RBM20: variants seen among roughly 807,000 people sequenced by gnomAD.
The protein encoded by RBM20 is RNA-binding protein 20.
In RBM20, 51 loss-of-function variants were observed where a neutral mutation model predicts 110.1. The ratio of observed to expected loss-of-function variants is 0.46; its 90% CI spans 0.37 to 0.59. The LOEUF is 0.59. Among genes scored for constraint, RBM20 ranks in the 20% least tolerant of loss-of-function variants. RBM20 has a pLI of 0.00. For missense variants in RBM20, 1,512 were observed against 1,574.9 expected, an observed-to-expected ratio of 0.96 and a Z score of 0.68; for synonymous variants, 589 against 618.2, an observed-to-expected ratio of 0.95 and a Z score of 0.70.
At chr10:110,697,427 G>C (rs1862682339) in intron 1 of RBM20, among the ~76,000 whole-genome samples, 1 of 152,184 alleles carries the variant, frequency 6.6e-6, no homozygotes, top group East Asian at 1.9e-4. Context: ...CATGACTGAG[G>C]GTGCTTAGTA....
intron 1 of RBM20, among the ~76,000 whole-genome samples, chr10:110,736,132 T>A (rs1295826306): frequency 6.6e-6 from 1 of 152,210 alleles, no homozygotes; most frequent in Non-Finnish European, 1.5e-5. Flanking sequence ...AAATAACATG[T>A]ATTTAGGATT....
At chr10:110,788,417 G>A (rs1359010292) in intron 5 of RBM20, among the ~76,000 whole-genome samples, 1 of 152,232 alleles carries the variant, frequency 6.6e-6, no homozygotes, top group African/African-American at 2.4e-5. Context: ...AGTGGAAGGG[G>A]AGAGTCAGCA....
intron 1 of RBM20, among the ~76,000 whole-genome samples, chr10:110,753,667 C>T (rs565281528): frequency 6.6e-6 from 1 of 152,342 alleles, no homozygotes; most frequent in East Asian, 1.9e-4. Flanking sequence ...AACCTGGTGA[C>T]TCAAAACGAC....
chr10:110,828,820 T>A (rs1316038611), intron 12 of RBM20, among the ~76,000 whole-genome samples: 1 of 151,530 alleles, frequency 6.6e-6, no homozygotes, highest in Non-Finnish European at 1.5e-5. Context: ...TTTTTGTTTG[T>A]TTGCTTTTTG....
At chr10:110,721,107 A>G (rs141204693) in intron 1 of RBM20, among the ~76,000 whole-genome samples, 216 of 152,256 alleles carry the variant, frequency 1.4e-3, no homozygotes, top group African/African-American at 4.6e-3. Context: ...CCCTGGCCCT[A>G]TCTCAAGCAC....
At chr10:110,660,400 C>T (rs1862085260) in intron 1 of RBM20, among the ~76,000 whole-genome samples, 1 of 152,192 alleles carries the variant, frequency 6.6e-6, no homozygotes, top group Non-Finnish European at 1.5e-5. Context: ...TTGTTGTCTT[C>T]TAGCATAAGG....
chr10:110,795,932 G>A (rs12245059), intron 5 of RBM20, among the ~76,000 whole-genome samples: 3,729 of 152,238 alleles, frequency 0.024, 160 homozygotes, highest in African/African-American at 0.083. Context: ...CCAGGGTGCC[G>A]GACCCCAAGG....
chr10:110,810,292 C>T (rs1453276814), intron 7 of RBM20, 91 bp from the exon 8 acceptor site: 6 of 899,402 alleles, frequency 6.7e-6, no homozygotes. Context: ...TTTTGGTGGA[C>T]CAGGCAATGA....
At position 110,644,667 on chromosome 10, in the gene RBM20, G is replaced by A; in HGVS notation, c.191+22G>A. 6.9e-7 allele frequency: 1 copy of A among 1,451,046 alleles called. No individual in the cohort carries two copies. The highest frequency in any genetic ancestry group is 9.1e-7 in the Non-Finnish European group (1 of 1,101,788). 89.9% of individuals were successfully genotyped at this position (1,451,046 alleles called of 1,614,324 possible). A position where few individuals can be genotyped will look rare whatever the true frequency, so the allele number is the denominator to read the frequency against. ...AAAAGTAAGAAGGGAGAAGGGAACA[G>A]GGACCACGGGTGCGCCTGGGGACAC... On this transcript the variant is annotated intron_variant, in intron 1 of 13. Transcript: ENST00000369519. The surrounding 1 kb of genome is among the most constrained non-coding windows in gnomAD (Gnocchi z 4.3).
intron 1 of RBM20, among the ~76,000 whole-genome samples, chr10:110,684,195 G>A (rs933215499): frequency 2.0e-5 from 3 of 152,132 alleles, no homozygotes; most frequent in Non-Finnish European, 2.9e-5. Flanking sequence ...AGGAGTTCGA[G>A]ACCAGCCTGG....
rs1435301344 is a variant in RBM20 at position 110,837,407 on chromosome 10, T to A, written c.*1429T>A. The stretch of plus-strand genomic sequence containing the variant: ...GGCAGTTAAGAAGGGAGCCTGGAGC[T>A]GTTTTCATGAGCAGAGATACTCTCC... On this transcript the variant is annotated 3_prime_UTR_variant, in exon 14 of 14. Coordinates refer to ENST00000369519, the MANE Select transcript of RBM20 (RefSeq NM_001134363.3). 2.0e-5 allele frequency: 3 copies of A among 152,196 alleles called. No individual in the cohort carries two copies. The highest frequency in any genetic ancestry group is 7.2e-5 in the African/African-American group (3 of 41,422). 9.4% of individuals were successfully genotyped at this position (152,196 alleles called of 1,614,324 possible). A position where few individuals can be genotyped will look rare whatever the true frequency, so the allele number is the denominator to read the frequency against.
At chr10:110,788,884 T>C (rs1311220942) in intron 5 of RBM20, among the ~76,000 whole-genome samples, 2 of 152,182 alleles carry the variant, frequency 1.3e-5, no homozygotes, top group African/African-American at 4.8e-5. Context: ...CAGTGAGTTG[T>C]TTTTGCATAT....
intron 1 of RBM20, among the ~76,000 whole-genome samples, chr10:110,718,786 A>AT (rs1210818439): frequency 2.7e-5 from 4 of 149,986 alleles, no homozygotes; most frequent in African/African-American, 4.9e-5. Flanking sequence ...TAATTTTTGA[A>AT]TTTTTTTTTA....
At chr10:110,767,588 C>A (rs1272151172) in intron 1 of RBM20, among the ~76,000 whole-genome samples, 3 of 150,120 alleles carry the variant, frequency 2.0e-5, no homozygotes, top group Admixed American at 6.6e-5. Context: ...GGTTGCCAGA[C>A]GGAGGGTCTC....
At chr10:110,718,605 ATTCTTTTTTTTTTT>A (rs1168897389) in intron 1 of RBM20, among the ~76,000 whole-genome samples, 54 of 93,076 alleles carry the variant, frequency 5.8e-4, no homozygotes, top group African/African-American at 7.5e-4. Flanking sequence ...ATTCTACTCC[ATTCTTTTTTTTTTT>A]TTCTTTTTTT....
At chr10:110,672,652 G>A (rs1055031264) in intron 1 of RBM20, among the ~76,000 whole-genome samples, 4 of 152,376 alleles carry the variant, frequency 2.6e-5, no homozygotes, top group African/African-American at 9.6e-5. Context: ...GACCTGGGGT[G>A]GGCACAGCGG....
chr10:110,802,607 A>T (rs996789631), intron 7 of RBM20, among the ~76,000 whole-genome samples: 5 of 152,204 alleles, frequency 3.3e-5, no homozygotes, highest in Non-Finnish European at 7.3e-5. Context: ...TTCTTAAATT[A>T]AAGTACCAAA....
chr10:110,679,086 T>A (rs1489839430), intron 1 of RBM20, among the ~76,000 whole-genome samples: 1 of 152,240 alleles, frequency 6.6e-6, no homozygotes, highest in South Asian at 2.1e-4. Flanking sequence ...AAATGGAGCC[T>A]CTGCTTCTTA....
chr10:110,684,750 A>C (rs185986996), intron 1 of RBM20, among the ~76,000 whole-genome samples: 45 of 146,336 alleles, frequency 3.1e-4, no homozygotes, highest in African/African-American at 1.1e-3. Context: ...GAGGATTTTA[A>C]TACTTTAAAA....
Sources: gnomAD v4.1 joint callset for allele counts (sites outside exome capture counted in the v4.1 genomes callset) on GRCh38, gnomAD v4.1.1 for gene constraint, Gnocchi (gnomAD v3.1) non-coding constraint, MANE v1.5 for transcripts, NCBI Gene and HGNC (gene_info 2026-07-23, HGNC 2026-07-21) for gene names.